The following CAMTA1 variants were observed in gnomAD, a reference collection of about 807,000 sequenced individuals.
CAMTA1 encodes calmodulin binding transcription activator 1.
CAMTA1 carries 27 observed loss-of-function variants against 170.9 expected under a neutral mutation model. The observed-to-expected ratio is 0.16, with a 90% CI of 0.12 to 0.22. The LOEUF is 0.22. Among genes scored for constraint, CAMTA1 ranks in the 10% least tolerant of loss-of-function variants. The probability of loss-of-function intolerance (pLI) is 1.00; values close to 1 mark genes in which losing one functional copy is unlikely to be tolerated. For synonymous variants in CAMTA1, 833 were observed against 891.5 expected, an observed-to-expected ratio of 0.93 and a Z score of 1.17; for missense variants, 1,619 against 2,217.2, an observed-to-expected ratio of 0.73 and a Z score of 5.42.
rs2096194221 is a variant in CAMTA1 at position 7,680,872 on chromosome 1, A to AGCAGCAGCTGCT, written c.2914+3147_2914+3148insTGCTGCAGCAGC. ...CGCGCGCGCGCGCGCCAGCAGCAGC[A>AGCAGCAGCTGCT]GCAGCAGCAGCTGCTGCGGCGAAGT... On this transcript the variant is annotated intron_variant, in intron 11 of 22. Transcript: ENST00000303635. This position sits in a 1 kb window ranked among gnomAD's most constrained non-coding sequence, Gnocchi z 4.4. Among the ~76,000 whole-genome samples, 23 of 146,352 alleles carry AGCAGCAGCTGCT rather than the reference A, an allele frequency of 1.6e-4. No homozygotes were observed. The highest frequency in any genetic ancestry group is 2.3e-4 in the African/African-American group (9 of 39,790).
chr1:6,877,471 T>G (rs1388017727), intron 3 of CAMTA1, among the ~76,000 whole-genome samples: 1 of 152,126 alleles, frequency 6.6e-6, no homozygotes, highest in Non-Finnish European at 1.5e-5. Context: ...AGGGAGTTAA[T>G]GAAGGAAAAG....
chr1:7,324,864 G>C (rs913570135), intron 5 of CAMTA1, among the ~76,000 whole-genome samples: 6 of 151,612 alleles, frequency 4.0e-5, no homozygotes, highest in Non-Finnish European at 7.4e-5. Flanking sequence ...TTTTTCAATG[G>C]TTACCTTAGA....
intron 6 of CAMTA1, among the ~76,000 whole-genome samples, chr1:7,629,719 C>T (rs2095656254): frequency 6.6e-6 from 1 of 152,238 alleles, no homozygotes; most frequent in East Asian, 1.9e-4. Context: ...CCCCTGCACT[C>T]CCTAGTTCAG....
At chr1:6,811,362 G>A (rs927238596) in intron 1 of CAMTA1, among the ~76,000 whole-genome samples, 24 of 152,144 alleles carry the variant, frequency 1.6e-4, no homozygotes, top group Non-Finnish European at 2.4e-4. Context: ...TCATTATGTT[G>A]TATGTAGCTT....
chr1:7,476,656 C>A (rs2093424203), intron 6 of CAMTA1, among the ~76,000 whole-genome samples: 3 of 152,094 alleles, frequency 2.0e-5, no homozygotes, highest in African/African-American at 7.2e-5. Context: ...TGGAGGGGAG[C>A]ATGGGGAAGG....
chr1:7,330,647 T>C (rs2082970319), intron 5 of CAMTA1, among the ~76,000 whole-genome samples: 1 of 152,188 alleles, frequency 6.6e-6, no homozygotes, highest in African/African-American at 2.4e-5. Flanking sequence ...ATAAAGACAT[T>C]ACCCAGGACA....
At chr1:7,315,841 T>C (rs1677407339) in intron 5 of CAMTA1, among the ~76,000 whole-genome samples, 1 of 152,224 alleles carries the variant, frequency 6.6e-6, no homozygotes, top group Admixed American at 6.5e-5. Flanking sequence ...TGTGCATTTC[T>C]GCCTTCATGC....
intron 22 of CAMTA1, among the ~76,000 whole-genome samples, chr1:7,763,998 A>G (rs1379400403): frequency 1.3e-5 from 2 of 152,250 alleles, no homozygotes; most frequent in African/African-American, 4.8e-5. Flanking sequence ...TTGCATGTCC[A>G]GAAGCGAAGT....
At chr1:7,378,799 G>A (rs942209352) in intron 5 of CAMTA1, among the ~76,000 whole-genome samples, 3 of 152,170 alleles carry the variant, frequency 2.0e-5, no homozygotes, top group South Asian at 2.1e-4. Context: ...GTCAGAGGCC[G>A]CACTAAACTA....
chr1:7,103,610 TAC>T lies in CAMTA1; in HGVS notation c.302+12246_302+12247del, dbSNP rs201439476. On this transcript the variant is annotated intron_variant, in intron 4 of 22. Coordinates refer to ENST00000303635, the MANE Select transcript of CAMTA1 (RefSeq NM_015215.4). ...TACACACAACACACATGTACACAACTACACACACGCACACACAACTACACACA... is the reference window on the plus strand; with the variant it reads ...TACACACAACACACATGTACACAACTACACACGCACACACAACTACACACA... 1.8e-4 allele frequency among the ~76,000 whole-genome samples: 14 copies of T among 76,614 alleles called. No homozygotes were observed. The East Asian group carries it at 4.8e-3, about 26-fold the overall frequency. The allele number at this position is 76,614 out of a possible 152,430, so 50.3% of individuals were successfully genotyped here.
intron 3 of CAMTA1, among the ~76,000 whole-genome samples, chr1:6,859,158 A>G (rs1001846229): frequency 6.6e-5 from 10 of 152,194 alleles, no homozygotes; most frequent in Admixed American, 2.6e-4. Context: ...AATTTGATTT[A>G]TATCCTTTTT....
At chr1:6,834,459 T>C (rs988718493) in intron 3 of CAMTA1, 9 of 235,874 alleles carry the variant, frequency 3.8e-5, no homozygotes, top group African/African-American at 2.1e-4. Flanking sequence ...GCATTTTGTC[T>C]TTTAGCCTTG....
At chr1:7,743,155 A>G (rs1309668909) in intron 16 of CAMTA1, among the ~76,000 whole-genome samples, 1 of 152,148 alleles carries the variant, frequency 6.6e-6, no homozygotes, top group African/African-American at 2.4e-5. Flanking sequence ...CGCCTGGCCC[A>G]ATATATTTTT....
At chr1:7,184,618 T>C (rs973609530) in intron 4 of CAMTA1, among the ~76,000 whole-genome samples, 1 of 152,034 alleles carries the variant, frequency 6.6e-6, no homozygotes, top group African/African-American at 2.4e-5. Context: ...TCTAATGAGA[T>C]TGATTACTGA....
chr1:7,003,602 T>G (rs1431564019), intron 3 of CAMTA1, among the ~76,000 whole-genome samples: 1 of 146,574 alleles, frequency 6.8e-6, no homozygotes, highest in Non-Finnish European at 1.5e-5. Flanking sequence ...TATTATGGTC[T>G]GGAGCAGCAA....
chr1:7,125,877 A>G (rs1238600457), intron 4 of CAMTA1, among the ~76,000 whole-genome samples: 1 of 152,158 alleles, frequency 6.6e-6, no homozygotes, highest in African/African-American at 2.4e-5. Context: ...CAAAGCCCCA[A>G]CGCCCAGTGT....
At position 6,893,008 on chromosome 1, in the gene CAMTA1, C is replaced by T. The variant is rs1196950132; in HGVS notation, c.234+67798C>T. Among the ~76,000 whole-genome samples the T allele has an allele frequency of 6.6e-5, 10 of 151,912 alleles. No individual in the cohort carries two copies. The East Asian group carries it at 1.5e-3, about 23-fold the overall frequency. ...AAAAAAAAAGAGCTGTGGCCGGGCG[C>T]GGTGGCTCACGCCTGTAATCCCAGC... is the stretch of plus-strand genomic sequence containing the variant. On this transcript the variant is annotated intron_variant, in intron 3 of 22. Transcript: ENST00000303635.
chr1:7,582,433 G>A (rs1274974241), intron 6 of CAMTA1, among the ~76,000 whole-genome samples: 3 of 152,174 alleles, frequency 2.0e-5, no homozygotes, highest in South Asian at 2.1e-4. Flanking sequence ...CCTGGGCTCT[G>A]GATTCTCTGG....
chr1:7,533,414 C>T (rs1363512491), intron 6 of CAMTA1, among the ~76,000 whole-genome samples: 3 of 152,222 alleles, frequency 2.0e-5, no homozygotes, highest in African/African-American at 7.2e-5. Flanking sequence ...GGGCTGGGTC[C>T]TTACTCTTGA....
Sources: allele counts gnomAD v4.1 joint callset (sites outside exome capture counted in the v4.1 genomes callset), GRCh38; gene constraint gnomAD v4.1.1; non-coding constraint Gnocchi (gnomAD v3.1); transcripts MANE v1.5; gene names NCBI Gene and HGNC (gene_info 2026-07-23, HGNC 2026-07-21).